Variants in DAB1 observed in about 807,000 individuals in gnomAD.
DAB1 encodes disabled homolog 1.
A neutral mutation model predicts 64.6 loss-of-function variants in DAB1; 15 were observed. The observed-to-expected ratio is 0.23, with a 90% CI of 0.16 to 0.36. The LOEUF (loss-of-function observed/expected upper bound fraction) is 0.36. Ranked by LOEUF, DAB1 falls within the 10% of genes least tolerant of loss-of-function variation. The pLI, the probability that DAB1 is intolerant of heterozygous loss-of-function variation, is 1.00. For synonymous variants in DAB1, 235 were observed against 251.9 expected (o/e 0.93, Z 0.64); for missense variants, 596 against 706.7 (o/e 0.84, Z 1.78).
intron 5 of DAB1, among the ~76,000 whole-genome samples, chr1:58,066,004 G>A (rs1193488381): frequency 6.6e-6 from 1 of 152,216 alleles, no homozygotes; most frequent in African/African-American, 2.4e-5. Flanking sequence ...CTCAGAGGCT[G>A]GACCAACAAG....
intron 3 of DAB1, among the ~76,000 whole-genome samples, chr1:58,430,487 C>T (rs181846919): frequency 6.6e-6 from 1 of 152,240 alleles, no homozygotes; most frequent in East Asian, 1.9e-4. Context: ...ACTGGAAAGG[C>T]TGATTTTTAG....
chr1:58,108,482 C>G (rs1252129483), intron 5 of DAB1, among the ~76,000 whole-genome samples: 1 of 152,184 alleles, frequency 6.6e-6, no homozygotes, highest in Non-Finnish European at 1.5e-5. Flanking sequence ...CTTAAATATA[C>G]TACCATATTT....
At chr1:57,904,245 T>C (rs1395124157) in intron 5 of DAB1, among the ~76,000 whole-genome samples, 1 of 152,200 alleles carries the variant, frequency 6.6e-6, no homozygotes, top group Non-Finnish European at 1.5e-5. Context: ...GGCACTGTGA[T>C]GTTTCAGATC....
intron 5 of DAB1, among the ~76,000 whole-genome samples, chr1:58,062,766 G>A (rs1300992461): frequency 3.3e-5 from 5 of 152,194 alleles, no homozygotes; most frequent in African/African-American, 1.2e-4. Flanking sequence ...GCCCTGAGAT[G>A]AGTAGATACT....
chr1:57,418,908 A>C (rs752807923), intron 1 of DAB1, among the ~76,000 whole-genome samples: 10 of 152,224 alleles, frequency 6.6e-5, no homozygotes, highest in South Asian at 2.1e-4. Context: ...GAACATGTCA[A>C]AGAAAAAGAA....
chr1:57,198,538 AC>A (rs1188154713), intron 2 of DAB1, among the ~76,000 whole-genome samples: 1 of 151,088 alleles, frequency 6.6e-6, no homozygotes, highest in Non-Finnish European at 1.5e-5. Flanking sequence ...CAATCACCAA[AC>A]CTTTTCCCTT....
chr1:57,148,365 G>A (rs1392552593), intron 2 of DAB1, among the ~76,000 whole-genome samples: 2 of 152,154 alleles, frequency 1.3e-5, no homozygotes, highest in East Asian at 1.9e-4. Flanking sequence ...TGTATGAAGG[G>A]CACTTATGCA....
chr1:58,206,584 A>G lies in DAB1; in HGVS notation n.310-55996T>C, dbSNP rs192860013. Among the ~76,000 whole-genome samples the G allele has an allele frequency of 3.6e-3, 554 of 152,302 alleles. 3 individuals are homozygous for G. Among genetic ancestry groups the G allele is most frequent in the African/African-American group, 0.012 (518 of 41,564 alleles). ...TGTTATAACCTCCCACAAATAATAT[A>G]TCTACCTGCTGCACAAGCTTCCCTC... is the stretch of plus-strand genomic sequence containing the variant. On this transcript the variant is annotated intron_variant and non_coding_transcript_variant, in intron 4 of 20. Coordinates refer to the DAB1 transcript ENST00000485760.
At chr1:58,383,317 G>C (rs907374424) in intron 3 of DAB1, among the ~76,000 whole-genome samples, 3 of 152,182 alleles carry the variant, frequency 2.0e-5, no homozygotes, top group Admixed American at 6.5e-5. Context: ...ATATGCTCAT[G>C]AGAGATGGCT....
chr1:57,964,772 G>C (rs767281576), intron 5 of DAB1, among the ~76,000 whole-genome samples: 6 of 152,100 alleles, frequency 3.9e-5, no homozygotes, highest in Non-Finnish European at 8.8e-5. Flanking sequence ...CATAGAGCCT[G>C]GGACACAGCA....
intron 14 of DAB1, among the ~76,000 whole-genome samples, chr1:57,005,755 T>C (rs1035915127): frequency 2.6e-5 from 4 of 152,230 alleles, no homozygotes; most frequent in African/African-American, 9.6e-5. Context: ...ATTCAAATCC[T>C]GGTGCTATTA....
In DAB1 at chr1:57,553,152, G is replaced by A. The variant is rs553288712; in HGVS notation, n.625+96440C>T. On this transcript the variant is annotated intron_variant and non_coding_transcript_variant, in intron 7 of 20. Transcript: ENST00000485760. ...GCTTCTCTAAATCTGAGGTACCTAT[G>A]GGTGATTTATCTGGGGTTGTCCAGC... 4.0e-5 allele frequency among the ~76,000 whole-genome samples: 6 copies of A among 151,822 alleles called. No homozygotes were observed. The South Asian group carries it at 1.3e-3, about 32-fold the overall frequency.
chr1:57,555,078 A>G (rs1430299953), intron 7 of DAB1, among the ~76,000 whole-genome samples: 2 of 121,246 alleles, frequency 1.6e-5, no homozygotes, highest in African/African-American at 6.6e-5. Context: ...CTCTGTCACC[A>G]GGATGGAGTG....
intron 2 of DAB1, among the ~76,000 whole-genome samples, chr1:57,187,328 A>G (rs962859484): frequency 2.6e-5 from 4 of 152,216 alleles, no homozygotes; most frequent in Admixed American, 1.3e-4. Flanking sequence ...ATCTAACAAC[A>G]TTCCTTATTA....
chr1:58,029,711 T>C (rs1361713100), intron 5 of DAB1, among the ~76,000 whole-genome samples: 1 of 152,228 alleles, frequency 6.6e-6, no homozygotes, highest in Non-Finnish European at 1.5e-5. Context: ...AAAATATTGA[T>C]GCATAAAGTT....
intron 3 of DAB1, chr1:58,415,428 G>A (rs1023917427): frequency 3.3e-5 from 8 of 244,138 alleles, no homozygotes; most frequent in African/African-American, 1.8e-4. Flanking sequence ...CCACTTAGGT[G>A]TAGGTTCCAC....
At chr1:58,380,414 G>A (rs535511853) in intron 3 of DAB1, among the ~76,000 whole-genome samples, 1 of 152,370 alleles carries the variant, frequency 6.6e-6, no homozygotes, top group East Asian at 1.9e-4. Flanking sequence ...GCGGAACTGT[G>A]AGTCAATTAA....
At chr1:57,902,197 A>G (rs1477214914) in intron 5 of DAB1, among the ~76,000 whole-genome samples, 1 of 151,806 alleles carries the variant, frequency 6.6e-6, no homozygotes, top group Non-Finnish European at 1.5e-5. Flanking sequence ...AAAAGTATTG[A>G]AAAGCTTTAA....
chr1:57,650,570 T>C (rs1646244811), intron 6 of DAB1, among the ~76,000 whole-genome samples: 1 of 152,230 alleles, frequency 6.6e-6, no homozygotes, highest in African/African-American at 2.4e-5. Flanking sequence ...AAATTGTTGA[T>C]AAAGTTTAAG....
Sources: allele counts gnomAD v4.1 joint callset (sites outside exome capture counted in the v4.1 genomes callset), GRCh38; gene constraint gnomAD v4.1.1; transcripts MANE v1.5; gene names NCBI Gene and HGNC (gene_info 2026-07-23, HGNC 2026-07-21).